The following SHF variants were observed in gnomAD, a reference collection of about 807,000 sequenced individuals.
The protein encoded by SHF is Src homology 2 domain containing F.
Under a neutral mutation model 42.4 loss-of-function variants are expected in SHF, and 30 were observed. That is an observed-to-expected ratio of 0.71 (90% CI 0.53 to 0.96). SHF has a LOEUF of 0.96. SHF is among the 40% of genes least tolerant of loss of function. The pLI is 0.00. For synonymous variants in SHF, 264 were observed against 269.9 expected (o/e 0.98, Z 0.21); for missense variants, 598 against 634.0 (o/e 0.94, Z 0.61).
intron 2 of SHF, among the ~76,000 whole-genome samples, chr15:45,193,616 T>G (rs1250701575): frequency 6.6e-6 from 1 of 152,174 alleles, no homozygotes; most frequent in Non-Finnish European, 1.5e-5. Flanking sequence ...GAGGGATGAT[T>G]GAGTTCCACA....
chr15:45,182,661 TTAAATC>T lies in SHF; in HGVS notation c.499-4361_499-4356del, dbSNP rs1378836252. 1.9e-4 allele frequency among the ~76,000 whole-genome samples: 29 copies of T among 152,304 alleles called. No individual in the cohort carries two copies. In the South Asian group the frequency reaches 5.8e-3, roughly 30 times the overall value. On this transcript the variant is annotated intron_variant, in intron 1 of 6. Coordinates refer to ENST00000690270, the MANE Select transcript of SHF (RefSeq NM_001394037.1). ...TCTATTTGTAGATTTAAAATACACTTTAAATCTAAGGAGTCCTGCAGCAAAGAAATC... is the reference window on the plus strand; with the variant it reads ...TCTATTTGTAGATTTAAAATACACTTTAAGGAGTCCTGCAGCAAAGAAATC...
chr15:45,179,495 C>T (rs1433389781), intron 1 of SHF, among the ~76,000 whole-genome samples: 8 of 152,140 alleles, frequency 5.3e-5, no homozygotes, highest in African/African-American at 9.7e-5. Flanking sequence ...AGTGGGCTCA[C>T]GGCCACTCCT....
At chr15:45,201,055 G>A in exon 1 of SHF, 1 of 347,870 alleles carries the variant, frequency 2.9e-6, no homozygotes, top group Non-Finnish European at 5.7e-6. Flanking sequence ...GGAGGAACCT[G>A]GTAGATAATG....
At chr15:45,172,086 G>A (rs747410166) in intron 5 of SHF, 61 bp downstream of exon 5, 6 of 1,613,784 alleles carry the variant, frequency 3.7e-6, no homozygotes, top group African/African-American at 1.3e-5. Context: ...CCCCTGTAGG[G>A]AAGCCAGTGC....
chr15:45,198,027 G>C (rs1898920665), intron 2 of SHF, among the ~76,000 whole-genome samples: 1 of 152,072 alleles, frequency 6.6e-6, no homozygotes, highest in Non-Finnish European at 1.5e-5. Context: ...CTTTTTACTA[G>C]ACTTTTGTGC....
At position 45,173,598 on chromosome 15, in the gene SHF, C is replaced by A; in HGVS notation, c.966G>T (p.Glu322Asp). ...DISGPASPLP[E>D]PSLEDSSAQF... Reference sequence around the variant, plus strand: ...CACCGCTGCTGTCCTCCAGGCTGGGCTCAGGGAGGGGCGAGGCTGGACCGG... The same window carrying A: ...CACCGCTGCTGTCCTCCAGGCTGGGATCAGGGAGGGGCGAGGCTGGACCGG... The change falls in exon 4 of 7, where the codon GAG becomes GAT. Residue 322 changes from glutamate (E) to aspartate (D), a missense_variant. Glu to Asp is a conservative substitution (Grantham distance 45, BLOSUM62 2). Around this residue, in one of 2 missense-constraint regions of SHF, gnomAD observed 439 missense variants for 524.6 expected, o/e 0.84. Transcript: ENST00000690270. The A allele has an allele frequency of 6.5e-7, 1 of 1,539,602 alleles. No homozygotes were observed. Among genetic ancestry groups the A allele is most frequent in the South Asian group, 1.2e-5 (1 of 82,076 alleles).
intron 2 of SHF, among the ~76,000 whole-genome samples, chr15:45,193,777 G>T (rs1285839757): frequency 6.6e-6 from 1 of 152,104 alleles, no homozygotes; most frequent in Non-Finnish European, 1.5e-5. Flanking sequence ...GCCTTATGCA[G>T]GCTTCATGCA....
In SHF at chr15:45,175,218, C is replaced by A; in HGVS notation, c.847+1G>T. ...GACCTGCCCTCTCCACCAGGACTCA[C>A]CTGCAAAGGCTTTGGAAATCCGCTC... On this transcript the variant is annotated splice_donor_variant, in intron 3 of 6. Transcript: ENST00000690270. LOFTEE classifies it high-confidence loss of function. 2 of 1,607,776 alleles carry A rather than the reference C, an allele frequency of 1.2e-6. No homozygotes were observed. The highest frequency in any genetic ancestry group is 1.7e-6 in the Non-Finnish European group (2 of 1,178,078).
At chr15:45,201,094 A>G (rs1899077025) in exon 1 of SHF, 11 of 342,478 alleles carry the variant, frequency 3.2e-5, no homozygotes, top group South Asian at 2.5e-4. Context: ...AATGGCCGCC[A>G]TCTAGACGAG....
At chr15:45,168,405 T>G (rs1399439467) in intron 6 of SHF, among the ~76,000 whole-genome samples, 1 of 152,120 alleles carries the variant, frequency 6.6e-6, no homozygotes, top group Non-Finnish European at 1.5e-5. Context: ...AGGTGGAAAC[T>G]GAGCGACCAG....
At position 45,175,459 on chromosome 15, in the gene SHF, GT is replaced by G. The variant is rs1897751949; in HGVS notation, c.641-35del. On this transcript the variant is annotated intron_variant, in intron 2 of 6. Transcript: ENST00000690270. ...GCAGGGCAGGAAGGGAAAGGTGAGG[GT>G]TCAGCCTTGGCTTTCTGGCTCCCCT... 2.6e-6 allele frequency: 4 copies of G among 1,550,718 alleles called. No individual in the cohort carries two copies. The East Asian group carries it at 9.7e-5, about 38-fold the overall frequency.
chr15:45,171,914 T>C lies in SHF; in HGVS notation c.1249A>G (p.Thr417Ala), dbSNP rs1567028868. ...EASYLVRNSE[T>A]SKNDFSLSLK... ...GAGAGGGAGAAGTCATTCTTGCTGG[T>C]CTCACTGTTGCGCACCAGGTAGCTG... The change falls in exon 6 of 7, where the codon ACC (threonine) becomes GCC (alanine). Residue 417 changes from threonine to alanine, a missense_variant. Transcript: ENST00000690270. The C allele has an allele frequency of 6.2e-7, 1 of 1,613,660 alleles. No individual in the cohort carries two copies. Among genetic ancestry groups the C allele is most frequent in the East Asian group, 2.2e-5 (1 of 44,866 alleles).
At chr15:45,176,953 C>T (rs1387893115) in intron 2 of SHF, among the ~76,000 whole-genome samples, 1 of 152,180 alleles carries the variant, frequency 6.6e-6, no homozygotes, top group Admixed American at 6.5e-5. Flanking sequence ...TGCCAATACC[C>T]AGTGACCTTC....
At chr15:45,193,691 T>G (rs1308254590) in intron 2 of SHF, among the ~76,000 whole-genome samples, 2 of 152,166 alleles carry the variant, frequency 1.3e-5, no homozygotes, top group Non-Finnish European at 2.9e-5. Flanking sequence ...GTAGCTATCT[T>G]ATTTAGGAAT....
At chr15:45,188,868 C>T (rs1220535350), upstream of SHF, among the ~76,000 whole-genome samples, 1 of 152,202 alleles carries the variant, frequency 6.6e-6, no homozygotes, top group Non-Finnish European at 1.5e-5. Flanking sequence ...GGCTCAGATG[C>T]TCAAGTGCTA....
intron 6 of SHF, chr15:45,171,665 A>T: frequency 1.7e-6 from 1 of 596,446 alleles, no homozygotes; most frequent in East Asian, 2.8e-5. Context: ...CTAGAACAGA[A>T]CCCTTCTGAG....
Position 45,172,136 on chromosome 15 carries a change from C to G in SHF, c.1160+11G>C. 1.2e-6 allele frequency: 2 copies of G among 1,613,936 alleles called. No homozygotes were observed. The highest frequency in any genetic ancestry group is 1.7e-6 in the Non-Finnish European group (2 of 1,179,860). ...TGGGGAGGGAGTCCCCAGCTGGACA[C>G]AGACACTCACACCTGGTTTTCCAGA... On this transcript the variant is annotated intron_variant, in intron 5 of 6. Coordinates refer to ENST00000690270, the MANE Select transcript of SHF (RefSeq NM_001394037.1).
chr15:45,185,453 G>T (rs1394901521), intron 1 of SHF, among the ~76,000 whole-genome samples: 1 of 152,220 alleles, frequency 6.6e-6, no homozygotes, highest in African/African-American at 2.4e-5. Flanking sequence ...GTGGGGAGCT[G>T]CTCTCTCTAA....
chr15:45,196,772 G>A (rs1255617343), intron 2 of SHF, among the ~76,000 whole-genome samples: 9 of 151,862 alleles, frequency 5.9e-5, no homozygotes, highest in Admixed American at 4.6e-4. Flanking sequence ...GGTGGCGGGC[G>A]CCTGTAGCCC....
Sources: gnomAD v4.1 joint callset for allele counts (sites outside exome capture counted in the v4.1 genomes callset) on GRCh38, gnomAD v4.1.1 for gene constraint, gnomAD v4.1.1 regional missense constraint, MANE v1.5 for transcripts, NCBI Gene and HGNC (gene_info 2026-07-23, HGNC 2026-07-21) for gene names.